The following STRN variants were observed in gnomAD, a reference collection of about 807,000 sequenced individuals.
The protein encoded by STRN is protein phosphatase 2 regulatory subunit B'''alpha.
Under a neutral mutation model 96.3 loss-of-function variants are expected in STRN, and 53 were observed. That is an observed-to-expected ratio of 0.55 (90% CI 0.44 to 0.69). The LOEUF (loss-of-function observed/expected upper bound fraction) is 0.69. Among genes scored for constraint, STRN ranks in the 30% least tolerant of loss-of-function variants. STRN has a pLI of 0.00. For synonymous variants in STRN, 428 were observed against 355.9 expected (o/e 1.20, Z -2.28); for missense variants, 987 against 963.9 (o/e 1.02, Z -0.32).
chr2:36,952,526 G>A (rs979319086), intron 1 of STRN, among the ~76,000 whole-genome samples: 1 of 150,858 alleles, frequency 6.6e-6, no homozygotes, highest in African/African-American at 2.4e-5. Context: ...TTTTTCTACA[G>A]CAAATTATTT....
chr2:36,877,727 C>G (rs984736406), intron 10 of STRN, among the ~76,000 whole-genome samples, 164 bp downstream of exon 10: 1 of 152,072 alleles, frequency 6.6e-6, no homozygotes, highest in Non-Finnish European at 1.5e-5. Context: ...TGTGAGACAG[C>G]GTTTCTCAAT....
chr2:36,964,862 C>G (rs1665120781), intron 1 of STRN, among the ~76,000 whole-genome samples: 1 of 152,184 alleles, frequency 6.6e-6, no homozygotes, highest in African/African-American at 2.4e-5. Flanking sequence ...GAAGCTTGGT[C>G]GGTTTTCTTT....
chr2:36,941,972 C>T (rs552051600), intron 1 of STRN, among the ~76,000 whole-genome samples: 1 of 152,150 alleles, frequency 6.6e-6, no homozygotes, highest in South Asian at 2.1e-4. Flanking sequence ...TACATATTCC[C>T]AAGCCCCTTC....
At chr2:36,958,988 C>T (rs1558670606) in intron 1 of STRN, among the ~76,000 whole-genome samples, 1 of 151,976 alleles carries the variant, frequency 6.6e-6, no homozygotes, top group Admixed American at 6.6e-5. Flanking sequence ...TGGTGGCGGG[C>T]GTCTGTAGTC....
chr2:36,914,749 C>A (rs1408117600), intron 3 of STRN, among the ~76,000 whole-genome samples: 1 of 152,104 alleles, frequency 6.6e-6, no homozygotes, highest in East Asian at 1.9e-4. Context: ...GTCAGAAAGA[C>A]CTGGGTTCAG....
intron 16 of STRN, 141 bp from the exon 17 acceptor site, chr2:36,849,941 A>G (rs930642729): frequency 3.9e-6 from 3 of 766,688 alleles, no homozygotes; most frequent in African/African-American, 3.5e-5. Context: ...CACCTAAAAC[A>G]ACATGTCTCC....
chr2:36,910,831 A>G (rs1284221825), intron 3 of STRN, among the ~76,000 whole-genome samples: 1 of 152,202 alleles, frequency 6.6e-6, no homozygotes, highest in East Asian at 1.9e-4. Context: ...CCTGGCTTCT[A>G]ATATTAAATA....
intron 11 of STRN, among the ~76,000 whole-genome samples, chr2:36,868,979 A>T (rs145112832): frequency 7.4e-4 from 113 of 152,124 alleles, no homozygotes; most frequent in African/African-American, 2.4e-3. Flanking sequence ...GTTTATACTA[A>T]CTCATGTCTA....
chr2:36,854,200 G>C (rs140954186), intron 15 of STRN, among the ~76,000 whole-genome samples: 2 of 150,932 alleles, frequency 1.3e-5, no homozygotes, highest in East Asian at 3.9e-4. Context: ...TTTCATATTA[G>C]TTTTTTATTT....
chr2:36,955,098 A>G (rs934455100), intron 1 of STRN, among the ~76,000 whole-genome samples: 1 of 152,212 alleles, frequency 6.6e-6, no homozygotes, highest in African/African-American at 2.4e-5. Flanking sequence ...ACCATACTTA[A>G]TCATCTAAAT....
intron 1 of STRN, among the ~76,000 whole-genome samples, chr2:36,941,460 C>G (rs1670842484): frequency 1.3e-5 from 2 of 152,124 alleles, no homozygotes; most frequent in Admixed American, 6.6e-5. Context: ...TTTTTATCAT[C>G]TGAATTATTT....
chr2:36,922,745 C>T (rs1670295056), intron 2 of STRN, among the ~76,000 whole-genome samples: 2 of 152,178 alleles, frequency 1.3e-5, no homozygotes, highest in African/African-American at 4.8e-5. Flanking sequence ...AACATGTTCT[C>T]TCTACTTCCT....
chr2:36,876,581 C>T (rs999719083), intron 10 of STRN, among the ~76,000 whole-genome samples: 1 of 152,084 alleles, frequency 6.6e-6, no homozygotes, highest in African/African-American at 2.4e-5. Flanking sequence ...CATCCTACAT[C>T]CCCTGCATGG....
intron 1 of STRN, among the ~76,000 whole-genome samples, chr2:36,950,771 C>A (rs947711803): frequency 6.6e-6 from 1 of 152,142 alleles, no homozygotes; most frequent in African/African-American, 2.4e-5. Context: ...TTTGACAACT[C>A]CGGAACTTGC....
chr2:36,966,416 C>A lies in STRN; in HGVS notation c.48G>T (p.Pro16=). 2 of 1,461,246 alleles carry A rather than the reference C, an allele frequency of 1.4e-6. No individual in the cohort carries two copies. The highest frequency in any genetic ancestry group is 3.0e-5 in the East Asian group (1 of 32,998). The allele number at this position is 1,461,246 out of a possible 1,614,324, so 90.5% of individuals were successfully genotyped here. ...CGAGCCCCTTGGCACCGCCGGCGCCCGGGTGGTTGTTGCTGAAGAAGACGC... is the reference window on the plus strand; with the variant it reads ...CGAGCCCCTTGGCACCGCCGGCGCCAGGGTGGTTGTTGCTGAAGAAGACGC... ...GPGVFFSNNH[P]GAGGAKGLGP... is the part of the protein sequence containing the mutation. The change falls in exon 1 of 18, where the codon CCG becomes CCT. Residue 16 remains proline, a synonymous_variant. Transcript: ENST00000263918.
At chr2:36,913,942 C>T (rs62132550) in intron 3 of STRN, among the ~76,000 whole-genome samples, 68,592 of 151,930 alleles carry the variant, frequency 0.45, 15,732 homozygotes, top group East Asian at 0.67. Context: ...GCTTTTAAAG[C>T]GCAAGCCCCT....
At chr2:36,850,583 G>T (rs1243725703) in intron 16 of STRN, among the ~76,000 whole-genome samples, 1 of 152,104 alleles carries the variant, frequency 6.6e-6, no homozygotes. Context: ...ATTGAATATT[G>T]AATAATGCTA....
intron 5 of STRN, among the ~76,000 whole-genome samples, chr2:36,899,953 G>C (rs1429509873): frequency 2.0e-5 from 3 of 152,092 alleles, no homozygotes; most frequent in African/African-American, 7.2e-5. Flanking sequence ...GCAGTAGCAT[G>C]ATCTAACTCA....
At chr2:36,892,799 T>C (rs976907806) in intron 7 of STRN, among the ~76,000 whole-genome samples, 1 of 152,150 alleles carries the variant, frequency 6.6e-6, no homozygotes, top group Non-Finnish European at 1.5e-5. Context: ...GGCAGGCAGA[T>C]CACCTGATGT....
Sources: allele counts gnomAD v4.1 joint callset (sites outside exome capture counted in the v4.1 genomes callset), GRCh38; gene constraint gnomAD v4.1.1; transcripts MANE v1.5; gene names NCBI Gene and HGNC (gene_info 2026-07-23, HGNC 2026-07-21).